Variants in VPS53 observed in about 807,000 individuals in gnomAD.
VPS53 encodes the protein vacuolar protein sorting-associated protein 53 homolog.
In VPS53, 70 loss-of-function variants were observed where a neutral mutation model predicts 107.0. That is an observed-to-expected ratio of 0.65 (90% CI 0.54 to 0.80). VPS53 has a LOEUF of 0.80. Among genes scored for constraint, VPS53 ranks in the 30% least tolerant of loss-of-function variants. The pLI is 0.00. For synonymous variants in VPS53, 409 were observed against 393.3 expected (o/e 1.04, Z -0.47); for missense variants, 917 against 1,049.4 (o/e 0.87, Z 1.74).
At chr17:543,814 AG>A (rs1567611480) in intron 17 of VPS53, among the ~76,000 whole-genome samples, 52 of 29,950 alleles carry the variant, frequency 1.7e-3, no homozygotes, top group South Asian at 4.5e-3. Flanking sequence ...GAAGGAAGGA[AG>A]GGAGGGAGGG....
At chr17:554,947 TGA>T (rs1173097412) in intron 15 of VPS53, among the ~76,000 whole-genome samples, 1 of 152,236 alleles carries the variant, frequency 6.6e-6, no homozygotes, top group African/African-American at 2.4e-5. Context: ...CAATATTTAA[TGA>T]GAGCCCGCTT....
At chr17:623,421 A>G in intron 11 of VPS53, 112 bp downstream of exon 11, 1 of 1,288,810 alleles carries the variant, frequency 7.8e-7, no homozygotes, top group Non-Finnish European at 1.1e-6. Context: ...AATCACTGCA[A>G]TGAGGGGTTA....
At chr17:601,726 G>A (rs1968333544) in intron 12 of VPS53, 69 bp downstream of exon 12, 1 of 1,276,352 alleles carries the variant, frequency 7.8e-7, no homozygotes, top group Admixed American at 2.0e-5. Flanking sequence ...ATCGTATCTG[G>A]AGCAAGCAGA....
intron 2 of VPS53, among the ~76,000 whole-genome samples, chr17:702,490 C>T (rs370189540): frequency 4.0e-5 from 6 of 151,878 alleles, no homozygotes; most frequent in African/African-American, 1.5e-4. Flanking sequence ...GGTGAAACCC[C>T]GTCTCTACTA....
chr17:627,425 T>G, intron 9 of VPS53, 109 bp from the exon 10 acceptor site: 1 of 1,299,708 alleles, frequency 7.7e-7, no homozygotes, highest in Non-Finnish European at 1.0e-6. Context: ...AACCTCTGTA[T>G]TTCTCATGGT....
intron 13 of VPS53, among the ~76,000 whole-genome samples, chr17:562,956 A>G (rs1298776441): frequency 6.6e-6 from 1 of 152,146 alleles, no homozygotes; most frequent in East Asian, 1.9e-4. Flanking sequence ...ATGAGATTCT[A>G]ATCTCTAAGT....
intron 15 of VPS53, among the ~76,000 whole-genome samples, chr17:554,273 A>G (rs775520248): frequency 6.6e-6 from 1 of 152,230 alleles, no homozygotes; most frequent in Admixed American, 6.5e-5. Flanking sequence ...CGGGGACAGA[A>G]ACACTCAACA....
chr17:714,746 C>T lies in VPS53; in HGVS notation c.-37G>A. 6.2e-7 allele frequency: 1 copy of T among 1,611,018 alleles called. No individual in the cohort carries two copies. Among genetic ancestry groups the T allele is most frequent in the Non-Finnish European group, 8.5e-7 (1 of 1,177,960 alleles). On this transcript the variant is annotated 5_prime_UTR_variant, in exon 1 of 22. Coordinates refer to ENST00000437048, the MANE Select transcript of VPS53 (RefSeq NM_001128159.3). Reference sequence around the variant, plus strand: ...GCCCCCTGCCGACCCCCGCCGCGAGCCCAACTCAGGCCTCCAGCCGCCACC... The same window carrying T: ...GCCCCCTGCCGACCCCCGCCGCGAGTCCAACTCAGGCCTCCAGCCGCCACC...
intron 4 of VPS53, among the ~76,000 whole-genome samples, chr17:681,164 T>A (rs1037045725): frequency 1.1e-4 from 16 of 152,234 alleles, no homozygotes; most frequent in Admixed American, 1.0e-3. Flanking sequence ...TGAGAGGGAA[T>A]ATTGCTCTGT....
rs561140523 is a variant in VPS53, at chr17:692,323, G to T, written c.285+5095C>A. On this transcript the variant is annotated intron_variant, in intron 4 of 21. Transcript: ENST00000437048. Reference sequence around the variant, plus strand: ...TTGACTCATCCACAAAGTTTTAAACGTGGGCATTTAATTAAAGCTTTTGAC... The same window carrying T: ...TTGACTCATCCACAAAGTTTTAAACTTGGGCATTTAATTAAAGCTTTTGAC... Among the ~76,000 whole-genome samples, 6 of 152,020 alleles carry T rather than the reference G, an allele frequency of 3.9e-5. No individual in the cohort carries two copies. In the East Asian group the frequency reaches 1.2e-3, roughly 29 times the overall value.
intron 2 of VPS53, 49 bp from the exon 3 acceptor site, chr17:699,429 T>C (rs1973113546): frequency 4.1e-6 from 6 of 1,458,884 alleles, no homozygotes; most frequent in Non-Finnish European, 5.5e-6. Flanking sequence ...CTTCCTGGAA[T>C]TCCTCTTTCA....
chr17:672,879 G>A, intron 4 of VPS53, among the ~76,000 whole-genome samples: 1 of 152,326 alleles, frequency 6.6e-6, no homozygotes, highest in Middle Eastern at 3.4e-3. Flanking sequence ...GTGGGAGGCT[G>A]AGGAAGGTGG....
chr17:618,382 C>T (rs1969262547), intron 11 of VPS53, among the ~76,000 whole-genome samples: 2 of 116,838 alleles, frequency 1.7e-5, no homozygotes, highest in African/African-American at 2.9e-5. Flanking sequence ...TCCCGGGTAG[C>T]TGGGACTACA....
At chr17:653,921 C>T (rs372594163) in intron 6 of VPS53, among the ~76,000 whole-genome samples, 7 of 152,156 alleles carry the variant, frequency 4.6e-5, no homozygotes, top group African/African-American at 1.7e-4. Context: ...TGTGGGAGGC[C>T]GAGGTGGCTC....
chr17:614,096 A>T (rs1969028317), intron 11 of VPS53, among the ~76,000 whole-genome samples: 1 of 152,230 alleles, frequency 6.6e-6, no homozygotes, highest in African/African-American at 2.4e-5. Flanking sequence ...TCAATTCGTA[A>T]CTGCCCAGGA....
intron 19 of VPS53, chr17:532,167 C>G (rs368262149): frequency 6.6e-6 from 1 of 152,008 alleles, no homozygotes; most frequent in Non-Finnish European, 1.5e-5. Flanking sequence ...AGGCTGGTCT[C>G]GAACTCCTGA....
chr17:530,381 T>C (rs960493664), intron 19 of VPS53, among the ~76,000 whole-genome samples: 3 of 152,028 alleles, frequency 2.0e-5, no homozygotes, highest in Admixed American at 2.0e-4. Context: ...TCTTTAACTC[T>C]TGACCTTGTG....
chr17:617,809 G>A (rs1450560036), intron 11 of VPS53, among the ~76,000 whole-genome samples: 1 of 119,538 alleles, frequency 8.4e-6, no homozygotes, highest in Non-Finnish European at 1.8e-5. Context: ...GCGCCACCAC[G>A]CCCCACTAAT....
At position 644,080 on chromosome 17, in the gene VPS53, G is replaced by A. The variant is rs7213251; in HGVS notation, c.608+9211C>T. On this transcript the variant is annotated intron_variant, in intron 7 of 21. Transcript: ENST00000437048. Reference sequence around the variant, plus strand: ...TCTTCATTGGGAGATACTGACTGATGACTAGAAACATTCCCTTTCACGGAT... The same window carrying A: ...TCTTCATTGGGAGATACTGACTGATAACTAGAAACATTCCCTTTCACGGAT... Among the ~76,000 whole-genome samples, 149 of 152,338 alleles carry A rather than the reference G, an allele frequency of 9.8e-4. 1 individual carries two copies. Among genetic ancestry groups the A allele is most frequent in the African/African-American group, 3.3e-3 (139 of 41,588 alleles).
Sources: allele counts gnomAD v4.1 joint callset (sites outside exome capture counted in the v4.1 genomes callset), GRCh38; gene constraint gnomAD v4.1.1; transcripts MANE v1.5; gene names NCBI Gene and HGNC (gene_info 2026-07-23, HGNC 2026-07-21).